Variants in DYNC1I1 observed in about 807,000 individuals in gnomAD.
DYNC1I1 encodes cytoplasmic dynein 1 intermediate chain 1.
A neutral mutation model predicts 86.6 loss-of-function variants in DYNC1I1; 43 were observed. The ratio of observed to expected loss-of-function variants is 0.50; its 90% CI spans 0.39 to 0.64. The LOEUF (loss-of-function observed/expected upper bound fraction) is 0.64, where lower values mean the gene tolerates loss of function less well. Among genes scored for constraint, DYNC1I1 ranks in the 30% least tolerant of loss-of-function variants. DYNC1I1 has a pLI of 0.00. For synonymous variants in DYNC1I1, 262 were observed against 283.7 expected, an observed-to-expected ratio of 0.92 and a Z score of 0.77; for missense variants, 604 against 788.8, an observed-to-expected ratio of 0.77 and a Z score of 2.81.
chr7:96,093,169 T>A (rs1331838251), intron 16 of DYNC1I1, among the ~76,000 whole-genome samples: 2 of 152,334 alleles, frequency 1.3e-5, no homozygotes, highest in Middle Eastern at 3.4e-3. Flanking sequence ...CTGTTCAATT[T>A]GACTGACAAT....
At chr7:95,897,845 G>C (rs1370063367) in intron 6 of DYNC1I1, among the ~76,000 whole-genome samples, 1 of 151,518 alleles carries the variant, frequency 6.6e-6, no homozygotes, top group Non-Finnish European at 1.5e-5. Context: ...TAACATTTTG[G>C]TGTAAAATTT....
At chr7:95,878,235 A>C (rs1790360220) in intron 6 of DYNC1I1, among the ~76,000 whole-genome samples, 1 of 152,170 alleles carries the variant, frequency 6.6e-6, no homozygotes, top group Non-Finnish European at 1.5e-5. Context: ...TGTGAGGGCA[A>C]CTAGATGGAT....
chr7:95,926,297 C>G (rs1791742965), intron 6 of DYNC1I1, among the ~76,000 whole-genome samples: 1 of 152,096 alleles, frequency 6.6e-6, no homozygotes, highest in South Asian at 2.1e-4. Context: ...TACTGGTAGA[C>G]TAGCTATATA....
At chr7:95,792,776 C>G (rs1382713390) in intron 1 of DYNC1I1, among the ~76,000 whole-genome samples, 1 of 151,896 alleles carries the variant, frequency 6.6e-6, no homozygotes, top group East Asian at 1.9e-4. Context: ...ACTGGATGCC[C>G]TAGGAAGGCT....
chr7:95,935,862 A>G (rs926597492), intron 6 of DYNC1I1, among the ~76,000 whole-genome samples: 10 of 152,074 alleles, frequency 6.6e-5, no homozygotes, highest in African/African-American at 2.4e-4. Flanking sequence ...AACATGTTCA[A>G]TGTCAACAAT....
At chr7:95,969,546 G>T (rs1347161149) in intron 6 of DYNC1I1, among the ~76,000 whole-genome samples, 1 of 152,174 alleles carries the variant, frequency 6.6e-6, no homozygotes, top group Admixed American at 6.5e-5. Flanking sequence ...GAAGGTCCTT[G>T]TTCTCTTCCT....
intron 6 of DYNC1I1, among the ~76,000 whole-genome samples, chr7:95,940,378 T>C (rs1188562357): frequency 3.9e-5 from 6 of 152,190 alleles, no homozygotes; most frequent in African/African-American, 1.4e-4. Context: ...TCCTGGATAA[T>C]ATCCTGCAGA....
At chr7:95,832,555 C>T (rs2115952595) in intron 5 of DYNC1I1, among the ~76,000 whole-genome samples, 1 of 152,170 alleles carries the variant, frequency 6.6e-6, no homozygotes, top group East Asian at 1.9e-4. Flanking sequence ...CTGACTTCCA[C>T]AATGGTTGAA....
rs1794342443 is a variant in DYNC1I1 at position 96,013,981 on chromosome 7, A to G, written c.970-14194A>G. 2.0e-5 allele frequency among the ~76,000 whole-genome samples: 3 copies of G among 152,156 alleles called. No individual in the cohort carries two copies. In the South Asian group the frequency reaches 6.2e-4, roughly 31 times the overall value. On this transcript the variant is annotated intron_variant, in intron 10 of 16. Coordinates refer to ENST00000447467, the MANE Select transcript of DYNC1I1 (RefSeq NM_001135556.2). The stretch of plus-strand genomic sequence containing the variant: ...TCATGGATCTTTCCACTACGTCTGT[A>G]TCCTATGATTAGGATGAAGGGGAAA...
At chr7:95,872,010 C>T (rs1412446094) in intron 6 of DYNC1I1, among the ~76,000 whole-genome samples, 1 of 152,204 alleles carries the variant, frequency 6.6e-6, no homozygotes, top group African/African-American at 2.4e-5. Flanking sequence ...CAAACTGCCC[C>T]TCACCACAGG....
intron 5 of DYNC1I1, among the ~76,000 whole-genome samples, chr7:95,846,623 C>CTGTGTGTGTGTG (rs1314616292): frequency 0.031 from 3,745 of 120,564 alleles, 89 homozygotes; most frequent in Non-Finnish European, 0.044. Flanking sequence ...ATAAATCTCT[C>CTGTGTGTGTGTG]TCTCTGTGTG....
chr7:95,774,262 GC>G (rs1793783977), intron 1 of DYNC1I1, among the ~76,000 whole-genome samples: 1 of 152,022 alleles, frequency 6.6e-6, no homozygotes, highest in Non-Finnish European at 1.5e-5. Context: ...CCTGTTTCTG[GC>G]CCACAGCATC....
chr7:96,068,838 GGTT>G (rs1790074315), intron 14 of DYNC1I1, among the ~76,000 whole-genome samples: 1 of 152,090 alleles, frequency 6.6e-6, no homozygotes, highest in Admixed American at 6.6e-5. Context: ...AGGTGAAATG[GGTT>G]GTTAGCCAGA....
At chr7:95,793,101 C>T (rs142797921) in intron 1 of DYNC1I1, among the ~76,000 whole-genome samples, 36 of 152,022 alleles carry the variant, frequency 2.4e-4, no homozygotes, top group African/African-American at 7.5e-4. Context: ...CCTGATATTG[C>T]GTGGAGGACG....
chr7:96,043,653 T>C (rs574328909), intron 14 of DYNC1I1, among the ~76,000 whole-genome samples: 1 of 152,144 alleles, frequency 6.6e-6, no homozygotes, highest in South Asian at 2.1e-4. Context: ...TTTACAAGGC[T>C]ACCAGGGAAA....
At chr7:95,803,303 G>T (rs547349812) in intron 1 of DYNC1I1, among the ~76,000 whole-genome samples, 3 of 152,138 alleles carry the variant, frequency 2.0e-5, no homozygotes, top group African/African-American at 7.2e-5. Flanking sequence ...TGAGCTATAC[G>T]CTCTTTGAAG....
At chr7:95,843,509 C>T (rs1390212079) in intron 5 of DYNC1I1, among the ~76,000 whole-genome samples, 3 of 152,132 alleles carry the variant, frequency 2.0e-5, no homozygotes, top group Non-Finnish European at 4.4e-5. Flanking sequence ...ATTGCCTGAC[C>T]TCTAGTGGCC....
At chr7:96,105,418 C>T (rs937092610) in intron 16 of DYNC1I1, among the ~76,000 whole-genome samples, 3 of 151,810 alleles carry the variant, frequency 2.0e-5, no homozygotes, top group Admixed American at 6.6e-5. Flanking sequence ...TCTGTTGACA[C>T]GGTCACATAA....
intron 4 of DYNC1I1, among the ~76,000 whole-genome samples, chr7:95,817,383 G>A (rs545390747): frequency 6.5e-4 from 99 of 152,158 alleles, no homozygotes; most frequent in Middle Eastern, 6.8e-3. Context: ...TTTCCACAAT[G>A]TATATCTCTA....
Sources: allele counts gnomAD v4.1 joint callset (sites outside exome capture counted in the v4.1 genomes callset), GRCh38; gene constraint gnomAD v4.1.1; transcripts MANE v1.5; gene names NCBI Gene and HGNC (gene_info 2026-07-23, HGNC 2026-07-21).